The following CAMK1D variants were observed in gnomAD, a reference collection of about 807,000 sequenced individuals.
CAMK1D encodes calcium/calmodulin-dependent protein kinase type 1D.
A neutral mutation model predicts 47.7 loss-of-function variants in CAMK1D; 9 were observed. The ratio of observed to expected loss-of-function variants is 0.19; its 90% CI spans 0.11 to 0.33. The LOEUF (loss-of-function observed/expected upper bound fraction) is 0.33, where lower values mean the gene tolerates loss of function less well. CAMK1D is among the 10% of genes least tolerant of loss of function. The pLI is 1.00. For synonymous variants in CAMK1D, 184 were observed against 184.9 expected (o/e 0.99, Z 0.04); for missense variants, 291 against 488.7 (o/e 0.60, Z 3.81).
At chr10:12,554,149 C>A (rs1475667545) in intron 2 of CAMK1D, among the ~76,000 whole-genome samples, 1 of 151,506 alleles carries the variant, frequency 6.6e-6, no homozygotes, top group Non-Finnish European at 1.5e-5. Context: ...CCCTTTGCTC[C>A]CCTCCCCTCT....
At chr10:12,764,278 G>C (rs1836639510) in intron 4 of CAMK1D, among the ~76,000 whole-genome samples, 1 of 149,924 alleles carries the variant, frequency 6.7e-6, no homozygotes, top group East Asian at 2.0e-4. Context: ...CTACTCAGGA[G>C]GCTGAGGCAG....
chr10:12,487,009 A>C (rs1203313173), intron 1 of CAMK1D, among the ~76,000 whole-genome samples: 1 of 152,224 alleles, frequency 6.6e-6, no homozygotes, highest in Non-Finnish European at 1.5e-5. Flanking sequence ...GGAGCTAATT[A>C]AAAGAAAAAA....
chr10:12,786,712 A>G (rs1040962289), intron 5 of CAMK1D, among the ~76,000 whole-genome samples: 1 of 152,218 alleles, frequency 6.6e-6, no homozygotes, highest in Non-Finnish European at 1.5e-5. Context: ...ATGAGCCACT[A>G]CATGTAGCCC....
intron 2 of CAMK1D, among the ~76,000 whole-genome samples, chr10:12,615,287 A>G (rs745400138): frequency 1.8e-4 from 28 of 152,366 alleles, no homozygotes; most frequent in Non-Finnish European, 3.1e-4. Context: ...TTGACCCTCG[A>G]TTAAGATTTG....
chr10:12,735,052 A>G (rs1835119015), intron 3 of CAMK1D, among the ~76,000 whole-genome samples: 1 of 152,236 alleles, frequency 6.6e-6, no homozygotes, highest in Non-Finnish European at 1.5e-5. Flanking sequence ...GAATATTAAT[A>G]GTAATAATAA....
chr10:12,645,854 A>G (rs1172589604), intron 2 of CAMK1D, among the ~76,000 whole-genome samples: 4 of 152,350 alleles, frequency 2.6e-5, no homozygotes, highest in East Asian at 3.9e-4. Flanking sequence ...TGTGAGATCA[A>G]TGTTCCCAAG....
At chr10:12,730,358 A>G (rs1834834753) in intron 3 of CAMK1D, among the ~76,000 whole-genome samples, 1 of 152,172 alleles carries the variant, frequency 6.6e-6, no homozygotes, top group African/African-American at 2.4e-5. Context: ...TAAGATGGGG[A>G]AGCACGGGGT....
At chr10:12,582,772 T>A (rs1040092570) in intron 2 of CAMK1D, among the ~76,000 whole-genome samples, 1 of 152,184 alleles carries the variant, frequency 6.6e-6, no homozygotes, top group African/African-American at 2.4e-5. Flanking sequence ...CTTTTTAATT[T>A]TAAGTCCTTG....
At chr10:12,563,702 AGAGAGAGG>A (rs1564414558) in intron 2 of CAMK1D, among the ~76,000 whole-genome samples, 79 of 150,792 alleles carry the variant, frequency 5.2e-4, no homozygotes, top group African/African-American at 1.3e-3. Flanking sequence ...AGAGAGAGGG[AGAGAGAGG>A]GAGAGAGAGA....
intron 2 of CAMK1D, among the ~76,000 whole-genome samples, chr10:12,666,204 G>T (rs1486981744): frequency 6.6e-6 from 1 of 151,998 alleles, no homozygotes; most frequent in Non-Finnish European, 1.5e-5. Context: ...CCCAGTGAGG[G>T]AGTCAGGTTG....
intron 2 of CAMK1D, among the ~76,000 whole-genome samples, chr10:12,589,268 C>G (rs1020421469): frequency 4.6e-5 from 7 of 152,196 alleles, no homozygotes; most frequent in African/African-American, 1.7e-4. Context: ...CCCACCTTGG[C>G]CTCCCAAAGT....
intron 7 of CAMK1D, among the ~76,000 whole-genome samples, chr10:12,815,005 G>T (rs1470081752): frequency 1.3e-5 from 2 of 152,226 alleles, no homozygotes; most frequent in Non-Finnish European, 2.9e-5. Flanking sequence ...AGCACAAGAT[G>T]CTCTGTATGT....
chr10:12,788,575 C>T (rs1448340857), intron 5 of CAMK1D, among the ~76,000 whole-genome samples: 4 of 152,224 alleles, frequency 2.6e-5, no homozygotes, highest in South Asian at 2.1e-4. Flanking sequence ...AGGCTGGCCC[C>T]GGATGGTCCT....
At chr10:12,795,900 A>T (rs899061116) in intron 6 of CAMK1D, among the ~76,000 whole-genome samples, 46 of 152,306 alleles carry the variant, frequency 3.0e-4, no homozygotes, top group African/African-American at 9.4e-4. Context: ...TGCTGCCAGG[A>T]AGGGCTGAGG....
intron 2 of CAMK1D, among the ~76,000 whole-genome samples, chr10:12,622,470 A>G (rs1047998155): frequency 1.3e-5 from 2 of 152,034 alleles, no homozygotes; most frequent in Admixed American, 6.6e-5. Flanking sequence ...TTTGGATCCC[A>G]AGATCCCTAA....
At chr10:12,397,434 C>G (rs1839001901) in intron 1 of CAMK1D, among the ~76,000 whole-genome samples, 1 of 152,178 alleles carries the variant, frequency 6.6e-6, no homozygotes, top group Non-Finnish European at 1.5e-5. Context: ...CACGGCTTTG[C>G]AGATAAAACC....
intron 2 of CAMK1D, among the ~76,000 whole-genome samples, chr10:12,616,812 T>C (rs1838839124): frequency 6.6e-6 from 1 of 152,138 alleles, no homozygotes; most frequent in Non-Finnish European, 1.5e-5. Flanking sequence ...CCACCGCGCC[T>C]GGCCGAGGTC....
intron 1 of CAMK1D, among the ~76,000 whole-genome samples, chr10:12,496,635 A>G (rs1834547538): frequency 1.3e-5 from 2 of 152,240 alleles, no homozygotes; most frequent in South Asian, 4.1e-4. Context: ...ATAGCTGGTG[A>G]AGAACAGCTT....
At chr10:12,816,211 G>C in intron 7 of CAMK1D, 39 bp from the exon 8 acceptor site, 2 of 1,571,664 alleles carry the variant, frequency 1.3e-6, no homozygotes, top group Non-Finnish European at 1.7e-6. Context: ...ATCTCAAGTC[G>C]CAAAGTGATT....
Sources: allele counts gnomAD v4.1 joint callset (sites outside exome capture counted in the v4.1 genomes callset), GRCh38; gene constraint gnomAD v4.1.1; transcripts MANE v1.5; gene names NCBI Gene and HGNC (gene_info 2026-07-23, HGNC 2026-07-21).